The following LDB3 variants were observed in gnomAD, a reference collection of about 807,000 sequenced individuals.
LDB3 encodes the protein LIM domain-binding protein 3.
LDB3 carries 49 observed loss-of-function variants against 69.0 expected under a neutral mutation model. The ratio of observed to expected loss-of-function variants is 0.71; its 90% CI spans 0.56 to 0.90. LDB3 has a LOEUF of 0.90. LDB3 is among the 40% of genes least tolerant of loss of function. The pLI, the probability that LDB3 is intolerant of heterozygous loss-of-function variation, is 0.00. For missense variants in LDB3, 928 were observed against 974.1 expected (o/e 0.95, Z 0.63); for synonymous variants, 387 against 396.2 (o/e 0.98, Z 0.28).
chr10:86,706,099 T>G (rs1846430091), intron 7 of LDB3, among the ~76,000 whole-genome samples: 1 of 151,420 alleles, frequency 6.6e-6, no homozygotes, highest in Non-Finnish European at 1.5e-5. Flanking sequence ...TCACTCTGCT[T>G]TTTTTGCTGT....
At chr10:86,697,102 TG>T (rs1846030377) in intron 7 of LDB3, among the ~76,000 whole-genome samples, 1 of 152,050 alleles carries the variant, frequency 6.6e-6, no homozygotes, top group East Asian at 1.9e-4. Flanking sequence ...TGTGGGGACA[TG>T]GGGGCCAGCC....
intron 5 of LDB3, among the ~76,000 whole-genome samples, chr10:86,691,470 G>A (rs1845757086): frequency 6.6e-6 from 1 of 152,210 alleles, no homozygotes; most frequent in African/African-American, 2.4e-5. Context: ...AAAGTGTGAG[G>A]AGGGCAGGAG....
intron 7 of LDB3, among the ~76,000 whole-genome samples, chr10:86,696,755 C>A (rs1846017185): frequency 6.6e-6 from 1 of 152,198 alleles, no homozygotes; most frequent in African/African-American, 2.4e-5. Context: ...AGGAGCCCCA[C>A]CACATGGACT....
At position 86,699,930 on chromosome 10, in the gene LDB3, C is replaced by T; in HGVS notation, c.897-6601C>T. ...GTAATGAGGCAGAGACCCCTCCTGGCAGTGGTGAGGTGGGGGCATGCACCC... is the reference window on the plus strand; with the variant it reads ...GTAATGAGGCAGAGACCCCTCCTGGTAGTGGTGAGGTGGGGGCATGCACCC... On this transcript the variant is annotated intron_variant, in intron 7 of 13. Coordinates refer to ENST00000361373, the MANE Select transcript of LDB3 (RefSeq NM_007078.3). This position sits in a 1 kb window ranked among gnomAD's most constrained non-coding sequence, Gnocchi z 4.9. 1.0e-6 allele frequency: 1 copy of T among 1,004,654 alleles called. No homozygotes were observed. The highest frequency in any genetic ancestry group is 1.7e-5 in the African/African-American group (1 of 57,848). The allele number at this position is 1,004,654 out of a possible 1,614,324, so 62.2% of individuals were successfully genotyped here.
chr10:86,711,489 G>T (rs1224245702), intron 9 of LDB3, among the ~76,000 whole-genome samples: 1 of 151,952 alleles, frequency 6.6e-6, no homozygotes, highest in African/African-American at 2.4e-5. Context: ...GGGAGGCCCG[G>T]CTGCCAAGCG....
intron 7 of LDB3, among the ~76,000 whole-genome samples, chr10:86,698,902 C>A (rs1464759716): frequency 6.6e-6 from 1 of 152,140 alleles, no homozygotes; most frequent in East Asian, 1.9e-4. Context: ...GAGCTCACAG[C>A]CAAAGCAGCC....
intron 4 of LDB3, 22 bp from the exon 5 acceptor site, chr10:86,681,414 T>A (rs1457774621): frequency 6.3e-7 from 1 of 1,599,456 alleles, no homozygotes; most frequent in Non-Finnish European, 8.5e-7. Context: ...CTCTCTCCCC[T>A]GCATGGCCTG....
At chr10:86,727,877 G>T (rs1847316004) in intron 13 of LDB3, among the ~76,000 whole-genome samples, 1 of 141,530 alleles carries the variant, frequency 7.1e-6, no homozygotes, top group Admixed American at 7.4e-5. Context: ...CCCTCTTGTT[G>T]CCCAGGCTGG....
At chr10:86,721,272 A>T (rs12570979) in intron 12 of LDB3, among the ~76,000 whole-genome samples, 1 of 152,088 alleles carries the variant, frequency 6.6e-6, no homozygotes, top group East Asian at 1.9e-4. Context: ...AGCTATCCTA[A>T]CGGGTATGAG....
At chr10:86,721,390 C>A (rs1192895391) in intron 12 of LDB3, among the ~76,000 whole-genome samples, 1 of 152,154 alleles carries the variant, frequency 6.6e-6, no homozygotes, top group Non-Finnish European at 1.5e-5. Context: ...AGGGTCTAGG[C>A]TGAAAAATGC....
intron 6 of LDB3, 103 bp downstream of exon 6, chr10:86,692,168 C>T (rs1443279269): frequency 1.5e-6 from 2 of 1,347,420 alleles, no homozygotes; most frequent in African/African-American, 1.4e-5. Context: ...TGCTACCTGC[C>T]CTTGAAGGTG....
rs1005247757 is a variant in LDB3 at position 86,735,154 on chromosome 10, C to T, written c.*2178C>T. 3 of 149,980 alleles carry T rather than the reference C, an allele frequency of 2.0e-5. No individual in the cohort carries two copies. The highest frequency in any genetic ancestry group is 1.3e-4 in the Admixed American group (2 of 15,036). The allele number at this position is 149,980 out of a possible 1,614,324, so 9.3% of individuals were successfully genotyped here. A position where few individuals can be genotyped will look rare whatever the true frequency, so the allele number is the denominator to read the frequency against. On this transcript the variant is annotated 3_prime_UTR_variant, in exon 14 of 14. Transcript: ENST00000361373. Reference sequence around the variant, plus strand: ...AAGAAAAGTAAAATATCTCAAAGGACGGTTTCACCACCGTCCTTTATTGAA... The same window carrying T: ...AAGAAAAGTAAAATATCTCAAAGGATGGTTTCACCACCGTCCTTTATTGAA...
At chr10:86,679,615 C>A in intron 3 of LDB3, 97 bp downstream of exon 3, 1 of 1,351,910 alleles carries the variant, frequency 7.4e-7, no homozygotes, top group Non-Finnish European at 1.0e-6. Context: ...TGAGTGGGCC[C>A]CGCCCTGGGC....
intron 7 of LDB3, among the ~76,000 whole-genome samples, chr10:86,696,051 C>T (rs1004153956): frequency 6.6e-6 from 1 of 152,212 alleles, no homozygotes; most frequent in African/African-American, 2.4e-5. Context: ...ATAGCCCTTT[C>T]CATCCCAGAT....
intron 7 of LDB3, among the ~76,000 whole-genome samples, chr10:86,697,519 C>T (rs1466115328): frequency 1.3e-5 from 2 of 150,094 alleles, no homozygotes; most frequent in Non-Finnish European, 3.0e-5. Context: ...CCGTGCCCGG[C>T]CAACTTCTTT....
chr10:86,701,041 G>T (rs921929380), intron 7 of LDB3, among the ~76,000 whole-genome samples: 1 of 152,174 alleles, frequency 6.6e-6, no homozygotes, highest in African/African-American at 2.4e-5. Flanking sequence ...ACCAGGAAGC[G>T]TTGGTGTTTG....
intron 2 of LDB3, among the ~76,000 whole-genome samples, chr10:86,675,779 C>A (rs79189733): frequency 6.6e-6 from 1 of 152,202 alleles, no homozygotes; most frequent in South Asian, 2.1e-4. Flanking sequence ...GCCATGGTGG[C>A]GGGTGTTCAG....
chr10:86,726,278 CT>C, intron 13 of LDB3, 26 bp downstream of exon 13: 1 of 1,591,486 alleles, frequency 6.3e-7, no homozygotes, highest in Non-Finnish European at 8.6e-7. Context: ...GGGGCTCTGG[CT>C]TTCTGAGAAG....
chr10:86,699,174 G>C lies in LDB3; in HGVS notation c.896+6603G>C, dbSNP rs1241080957. 14 of 1,376,076 alleles carry C rather than the reference G, an allele frequency of 1.0e-5. No homozygotes were observed. The highest frequency in any genetic ancestry group is 1.0e-6 in the Non-Finnish European group (1 of 971,562). 85.2% of individuals were successfully genotyped at this position (1,376,076 alleles called of 1,614,324 possible). On this transcript the variant is annotated intron_variant, in intron 7 of 13. Transcript: ENST00000361373. The surrounding 1 kb of genome is among the most constrained non-coding windows in gnomAD (Gnocchi z 4.9). ...GCCCCACCTGTTAGACAGGGGAATG[G>C]TGAACACATTCCCTAACCCCTTTCA...
Sources: gnomAD v4.1 joint callset for allele counts (sites outside exome capture counted in the v4.1 genomes callset) on GRCh38, gnomAD v4.1.1 for gene constraint, Gnocchi (gnomAD v3.1) non-coding constraint, MANE v1.5 for transcripts, NCBI Gene and HGNC (gene_info 2026-07-23, HGNC 2026-07-21) for gene names.